Variants in SCMH1 observed in about 807,000 individuals in gnomAD.
The protein encoded by SCMH1 is Scm polycomb group protein homolog 1.
In SCMH1, 37 loss-of-function variants were observed where a neutral mutation model predicts 70.8. That is an observed-to-expected ratio of 0.52 (90% CI 0.40 to 0.69). The LOEUF (loss-of-function observed/expected upper bound fraction) is 0.69. Among genes scored for constraint, SCMH1 ranks in the 30% least tolerant of loss-of-function variants. The pLI, the probability that SCMH1 is intolerant of heterozygous loss-of-function variation, is 0.00. For missense variants in SCMH1, 607 were observed against 827.3 expected (o/e 0.73, Z 3.27); for synonymous variants, 292 against 307.4 (o/e 0.95, Z 0.52).
intron 7 of SCMH1, among the ~76,000 whole-genome samples, chr1:41,114,288 A>T (rs1163419813): frequency 6.6e-6 from 1 of 152,166 alleles, no homozygotes; most frequent in East Asian, 1.9e-4. Context: ...CCGGAAGTGT[A>T]GAGAGTTCCT....
rs573427371 is a variant in SCMH1 at position 41,037,175 on chromosome 1, C to T, written c.1678+187G>A. ...TTTGGCTCTTAGTTTCTGTTATGCT[C>T]AAGCCAATCCTGGAGCTCCAATTAC... is the stretch of plus-strand genomic sequence containing the variant. On this transcript the variant is annotated intron_variant, in intron 13 of 14. Coordinates refer to ENST00000337495, the Ensembl canonical transcript of SCMH1. Among the ~76,000 whole-genome samples, 19 of 152,286 alleles carry T rather than the reference C, an allele frequency of 1.2e-4. No individual in the cohort carries two copies. In the South Asian group the frequency reaches 2.5e-3, roughly 20 times the overall value.
intron 12 of SCMH1, chr1:41,045,802 A>T (rs934839745): frequency 1.3e-5 from 2 of 152,126 alleles, no homozygotes; most frequent in African/African-American, 4.8e-5. Flanking sequence ...TTGAATCTTT[A>T]ATCTCTCTCG....
intron 1 of SCMH1, among the ~76,000 whole-genome samples, chr1:41,239,394 C>T (rs544797139): frequency 7.2e-5 from 11 of 152,312 alleles, no homozygotes; most frequent in Non-Finnish European, 1.3e-4. Context: ...TCATCTCTTC[C>T]CAAAGCCTTC....
intron 4 of SCMH1, chr1:41,159,906 A>T: frequency 9.8e-7 from 1 of 1,019,096 alleles, no homozygotes; most frequent in Non-Finnish European, 1.3e-6. Flanking sequence ...TTTCACATCC[A>T]TTAGCTCATG....
At chr1:41,080,281 G>C (rs1659602866) in intron 8 of SCMH1, among the ~76,000 whole-genome samples, 1 of 152,056 alleles carries the variant, frequency 6.6e-6, no homozygotes, top group African/African-American at 2.4e-5. Flanking sequence ...TGGCTTCACT[G>C]ATGAATTCTA....
chr1:41,114,294 T>C (rs2147867779), intron 7 of SCMH1, among the ~76,000 whole-genome samples: 1 of 152,190 alleles, frequency 6.6e-6, no homozygotes, highest in Admixed American at 6.5e-5. Flanking sequence ...GTGTAGAGAG[T>C]TCCTGGGTGC....
At chr1:41,136,318 A>G (rs1470614119) in intron 6 of SCMH1, among the ~76,000 whole-genome samples, 1 of 150,688 alleles carries the variant, frequency 6.6e-6, no homozygotes, top group Non-Finnish European at 1.5e-5. Context: ...TCCTACTTCA[A>G]CCTAACTTTT....
chr1:41,147,994 C>T (rs1229282622), intron 5 of SCMH1, among the ~76,000 whole-genome samples: 1 of 152,130 alleles, frequency 6.6e-6, no homozygotes, highest in African/African-American at 2.4e-5. Context: ...CGCTTTTTAA[C>T]ATTTAAACCA....
intron 1 of SCMH1, among the ~76,000 whole-genome samples, chr1:41,229,951 T>A (rs1033437780): frequency 1.3e-5 from 2 of 152,120 alleles, no homozygotes; most frequent in African/African-American, 4.8e-5. Context: ...GATGAAACAG[T>A]ATGTGCCAAG....
intron 8 of SCMH1, among the ~76,000 whole-genome samples, chr1:41,103,434 G>A (rs1014231979): frequency 6.6e-5 from 10 of 152,188 alleles, no homozygotes; most frequent in East Asian, 3.9e-4. Flanking sequence ...GAGCCACTGC[G>A]CCCGGCCCAA....
chr1:41,038,333 A>G (rs1446970109), intron 12 of SCMH1, among the ~76,000 whole-genome samples: 1 of 152,250 alleles, frequency 6.6e-6, no homozygotes. Context: ...CCCGAAGCAG[A>G]TTCCTCATGA....
At chr1:41,161,989 G>A (rs1646072105) in intron 2 of SCMH1, among the ~76,000 whole-genome samples, 1 of 152,216 alleles carries the variant, frequency 6.6e-6, no homozygotes, top group African/African-American at 2.4e-5. Context: ...AGCTGGGAAT[G>A]CATGCTCCAT....
intron 8 of SCMH1, among the ~76,000 whole-genome samples, chr1:41,088,753 G>A (rs992262265): frequency 2.6e-5 from 4 of 152,150 alleles, no homozygotes; most frequent in Admixed American, 2.0e-4. Context: ...GGAAAAAAAC[G>A]TAAACAAATC....
intron 2 of SCMH1, among the ~76,000 whole-genome samples, chr1:41,175,796 C>A (rs1647078320): frequency 6.6e-6 from 1 of 152,076 alleles, no homozygotes; most frequent in South Asian, 2.1e-4. Flanking sequence ...TTTTTACATC[C>A]CCTGTCTTTC....
intron 1 of SCMH1, among the ~76,000 whole-genome samples, chr1:41,230,195 C>T (rs1380410098): frequency 6.6e-6 from 1 of 151,856 alleles, no homozygotes; most frequent in African/African-American, 2.4e-5. Flanking sequence ...GGATAGGGTA[C>T]AAAAGTAGAC....
chr1:41,154,891 A>T (rs1266454323), intron 4 of SCMH1, among the ~76,000 whole-genome samples: 1 of 152,190 alleles, frequency 6.6e-6, no homozygotes, highest in Non-Finnish European at 1.5e-5. Context: ...TGTGCCAGGC[A>T]ATATGACAGG....
At chr1:41,207,786 G>C (rs1399897191) in intron 1 of SCMH1, among the ~76,000 whole-genome samples, 1 of 151,988 alleles carries the variant, frequency 6.6e-6, no homozygotes, top group East Asian at 1.9e-4. Flanking sequence ...ACAGGTGCTG[G>C]AGAGGATGTG....
At chr1:41,156,211 C>G (rs1411147967) in intron 4 of SCMH1, among the ~76,000 whole-genome samples, 1 of 152,172 alleles carries the variant, frequency 6.6e-6, no homozygotes, top group Non-Finnish European at 1.5e-5. Flanking sequence ...CCTAATTTGA[C>G]AGGCTGGCTA....
chr1:41,168,287 G>A (rs1646547262), intron 2 of SCMH1, among the ~76,000 whole-genome samples: 1 of 152,062 alleles, frequency 6.6e-6, no homozygotes, highest in Admixed American at 6.6e-5. Flanking sequence ...ACTTGATGGT[G>A]TCCCACAGGT....
Sources: allele counts gnomAD v4.1 joint callset (sites outside exome capture counted in the v4.1 genomes callset), GRCh38; gene constraint gnomAD v4.1.1; transcripts MANE v1.5; gene names NCBI Gene and HGNC (gene_info 2026-07-23, HGNC 2026-07-21).